SEPTIN9: variants seen among roughly 807,000 people sequenced by gnomAD.
The protein encoded by SEPTIN9 is septin 9.
A neutral mutation model predicts 56.6 loss-of-function variants in SEPTIN9; 13 were observed. The ratio of observed to expected loss-of-function variants is 0.23; its 90% CI spans 0.15 to 0.37. The LOEUF (loss-of-function observed/expected upper bound fraction) is 0.37. Ranked by LOEUF, SEPTIN9 falls within the 10% of genes least tolerant of loss-of-function variation. SEPTIN9 has a pLI of 1.00. For missense variants in SEPTIN9, 650 were observed against 823.1 expected, an observed-to-expected ratio of 0.79 and a Z score of 2.57; for synonymous variants, 332 against 334.1, an observed-to-expected ratio of 0.99 and a Z score of 0.07.
Position 77,318,931 on chromosome 17 carries a change from C to G in SEPTIN9, c.76+11734C>G, listed in dbSNP as rs1040890378. On this transcript the variant is annotated intron_variant, in intron 2 of 11. Transcript: ENST00000427177. The surrounding 1 kb of genome is among the most constrained non-coding windows in gnomAD (Gnocchi z 4.9). ...CAAATATTGTAAATTTGTTGGGGGC[C>G]TTGGGGAGCAGCACAGACTGAAAAG... Among the ~76,000 whole-genome samples the G allele has an allele frequency of 2.0e-5, 3 of 152,116 alleles. No homozygotes were observed. Among genetic ancestry groups the G allele is most frequent in the Admixed American group, 6.5e-5 (1 of 15,268 alleles).
intron 2 of SEPTIN9, chr17:77,373,472 G>T (rs937707978): frequency 7.2e-6 from 11 of 1,521,908 alleles, no homozygotes; most frequent in South Asian, 2.5e-5. Context: ...GCTGCCCTCC[G>T]CGCGACCCGC....
chr17:77,408,518 G>A (rs8067410), intron 3 of SEPTIN9, among the ~76,000 whole-genome samples: 11,128 of 152,272 alleles, frequency 0.073, 1,231 homozygotes, highest in African/African-American at 0.23. Context: ...TGTTCCAGGG[G>A]CAGAACAGGG....
intron 2 of SEPTIN9, among the ~76,000 whole-genome samples, chr17:77,351,178 C>T (rs2034050458): frequency 6.6e-6 from 1 of 151,998 alleles, no homozygotes; most frequent in Admixed American, 6.6e-5. Context: ...TCCACCCTTC[C>T]CAAGGCTGCA....
chr17:77,415,910 G>C (rs1409027907), intron 3 of SEPTIN9, among the ~76,000 whole-genome samples: 1 of 152,264 alleles, frequency 6.6e-6, no homozygotes, highest in Non-Finnish European at 1.5e-5. Flanking sequence ...GCCGGCTGGG[G>C]CAAGGTGTGT....
chr17:77,389,394 G>A lies in SEPTIN9; in HGVS notation c.77-12665G>A, dbSNP rs1432026069. Among the ~76,000 whole-genome samples the A allele has an allele frequency of 1.3e-5, 2 of 152,134 alleles. No individual in the cohort carries two copies. The highest frequency in any genetic ancestry group is 1.9e-4 in the East Asian group (1 of 5,188). On this transcript the variant is annotated intron_variant, in intron 2 of 11. Coordinates refer to ENST00000427177, the MANE Select transcript of SEPTIN9 (RefSeq NM_001113491.2). This position sits in a 1 kb window ranked among gnomAD's most constrained non-coding sequence, Gnocchi z 4.3. ...TCGAGGACGGAGAGCTGCCAGAGAG[G>A]CCCTGGCGGGGTGTCTGGGGCCACC...
chr17:77,344,743 G>A (rs2033835038), intron 2 of SEPTIN9, among the ~76,000 whole-genome samples: 1 of 152,148 alleles, frequency 6.6e-6, no homozygotes, highest in Non-Finnish European at 1.5e-5. Flanking sequence ...AGGCCGAGGT[G>A]GGCAGATCAC....
At chr17:77,447,583 T>TCAGA (rs1374921141) in intron 3 of SEPTIN9, among the ~76,000 whole-genome samples, 1 of 152,256 alleles carries the variant, frequency 6.6e-6, no homozygotes, top group African/African-American at 2.4e-5. Flanking sequence ...ATCTTTGGAA[T>TCAGA]CGTCTAAGAG....
At position 77,487,521 on chromosome 17, in the gene SEPTIN9, C is replaced by T. The variant is rs781711174; in HGVS notation, c.1011C>T (p.Pro337=). The change falls in exon 5 of 12, where the codon CCC becomes CCT. Residue 337 remains proline (P), a synonymous_variant. Coordinates refer to ENST00000427177, the MANE Select transcript of SEPTIN9 (RefSeq NM_001113491.2). The surrounding 1 kb of genome is among the most constrained non-coding windows in gnomAD (Gnocchi z 4.3). ...AGCCCACCTCAGAGGAGCGCATCCCCAAGACCATCGAGATCAAGTCCATCA... is the reference window on the plus strand; with the variant it reads ...AGCCCACCTCAGAGGAGCGCATCCCTAAGACCATCGAGATCAAGTCCATCA... ...SVQPTSEERI[P]KTIEIKSITH... 5 of 1,613,632 alleles carry T rather than the reference C, an allele frequency of 3.1e-6. No individual in the cohort carries two copies. Among genetic ancestry groups the T allele is most frequent in the Non-Finnish European group, 4.2e-6 (5 of 1,179,854 alleles).
intron 3 of SEPTIN9, among the ~76,000 whole-genome samples, chr17:77,455,582 G>A (rs982925702): frequency 1.2e-4 from 19 of 152,202 alleles, no homozygotes; most frequent in African/African-American, 3.9e-4. Flanking sequence ...CAGGAGGTAC[G>A]CAGACGTGGG....
intron 2 of SEPTIN9, among the ~76,000 whole-genome samples, chr17:77,365,942 C>T (rs1353919043): frequency 5.9e-5 from 9 of 152,176 alleles, no homozygotes; most frequent in South Asian, 2.1e-4. Context: ...TGCACTGCAT[C>T]GGTGGCAAGT....
chr17:77,464,259 G>T (rs929508168), intron 3 of SEPTIN9, among the ~76,000 whole-genome samples: 1 of 151,980 alleles, frequency 6.6e-6, no homozygotes, highest in Admixed American at 6.6e-5. Flanking sequence ...TGTATTTTTA[G>T]TAGAGACGGT....
intron 3 of SEPTIN9, among the ~76,000 whole-genome samples, chr17:77,403,367 A>T (rs960596173): frequency 3.9e-5 from 6 of 152,344 alleles, no homozygotes; most frequent in South Asian, 2.1e-4. Context: ...GCTGTGTGAT[A>T]GCTGCACACG....
chr17:77,461,070 T>C (rs312848), intron 3 of SEPTIN9, among the ~76,000 whole-genome samples: 14,434 of 152,120 alleles, frequency 0.095, 1,718 homozygotes, highest in African/African-American at 0.28. Context: ...TTTGGGAGGC[T>C]GAGGCGGGTG....
In SEPTIN9 at chr17:77,381,889, G is replaced by C. The variant is rs1344348710; in HGVS notation, c.77-20170G>C. On this transcript the variant is annotated intron_variant, in intron 2 of 11. Coordinates refer to ENST00000427177, the MANE Select transcript of SEPTIN9 (RefSeq NM_001113491.2). ...TCTGTTCTAGGCACTGGGGGTCTAG[G>C]CATGGGCTCAGGAGAAGGGGTAGAA... Among the ~76,000 whole-genome samples, 6 of 152,198 alleles carry C rather than the reference G, an allele frequency of 3.9e-5. No individual in the cohort carries two copies. In the East Asian group the frequency reaches 7.7e-4, roughly 20 times the overall value.
At chr17:77,337,308 T>C (rs1271333771) in intron 2 of SEPTIN9, among the ~76,000 whole-genome samples, 3 of 152,166 alleles carry the variant, frequency 2.0e-5, no homozygotes, top group Non-Finnish European at 4.4e-5. Flanking sequence ...TGTGCAGGCC[T>C]GATTTTTTAA....
chr17:77,304,616 T>G lies in SEPTIN9; in HGVS notation c.20-2525T>G, dbSNP rs538774699. ...CGCCGGCATCCCCTGCAGAGATGTC[T>G]CAGCCAGAAGTGACTCCATCCTCAG... is the stretch of plus-strand genomic sequence containing the variant. On this transcript the variant is annotated intron_variant, in intron 1 of 11. Transcript: ENST00000427177. Among the ~76,000 whole-genome samples the G allele has an allele frequency of 2.6e-5, 4 of 152,280 alleles. No individual in the cohort carries two copies. The East Asian group carries it at 7.7e-4, about 29-fold the overall frequency.
At chr17:77,408,437 G>A (rs1425693141) in intron 3 of SEPTIN9, among the ~76,000 whole-genome samples, 1 of 151,206 alleles carries the variant, frequency 6.6e-6, no homozygotes, top group East Asian at 2.0e-4. Flanking sequence ...TGAGGGAGCA[G>A]GGGGTCAGGC....
intron 2 of SEPTIN9, among the ~76,000 whole-genome samples, chr17:77,355,267 T>TGCCGCAGCAGG (rs1179241425): frequency 6.6e-6 from 1 of 152,164 alleles, no homozygotes; most frequent in Non-Finnish European, 1.5e-5. Context: ...CCACCTTGAA[T>TGCCGCAGCAGG]GGTGTCTGCG....
intron 2 of SEPTIN9, among the ~76,000 whole-genome samples, chr17:77,345,096 A>G (rs539125688): frequency 6.6e-6 from 1 of 151,850 alleles, no homozygotes; most frequent in Non-Finnish European, 1.5e-5. Context: ...TTTCACTTTT[A>G]TGAGGTCCCT....
Sources: gnomAD v4.1 joint callset for allele counts (sites outside exome capture counted in the v4.1 genomes callset) on GRCh38, gnomAD v4.1.1 for gene constraint, Gnocchi (gnomAD v3.1) non-coding constraint, MANE v1.5 for transcripts, NCBI Gene and HGNC (gene_info 2026-07-23, HGNC 2026-07-21) for gene names.